Variants in KCNC1 observed in about 807,000 individuals in gnomAD.
KCNC1 encodes potassium voltage-gated channel subfamily C member 1.
KCNC1 carries 8 observed loss-of-function variants against 43.4 expected under a neutral mutation model. The observed-to-expected ratio is 0.18, with a 90% CI of 0.11 to 0.33. KCNC1 has a LOEUF of 0.33. Among genes scored for constraint, KCNC1 ranks in the 10% least tolerant of loss-of-function variants. The probability of loss-of-function intolerance (pLI) is 1.00; values close to 1 mark genes in which losing one functional copy is unlikely to be tolerated. For synonymous variants in KCNC1, 361 were observed against 360.5 expected, an observed-to-expected ratio of 1.00 and a Z score of -0.01; for missense variants, 420 against 836.0, an observed-to-expected ratio of 0.50 and a Z score of 6.14.
intron 1 of KCNC1, among the ~76,000 whole-genome samples, chr11:17,758,369 G>A (rs1026027214): frequency 2.0e-5 from 3 of 152,182 alleles, no homozygotes; most frequent in Non-Finnish European, 4.4e-5. Context: ...AGTCATTCAC[G>A]AGAATTGGAA....
chr11:17,743,775 T>C (rs1848868188), intron 1 of KCNC1, among the ~76,000 whole-genome samples: 1 of 152,216 alleles, frequency 6.6e-6, no homozygotes, highest in African/African-American at 2.4e-5. Flanking sequence ...TCTGGGGTTT[T>C]GGTCATCTAT....
chr11:17,750,862 G>T (rs1246035871), intron 1 of KCNC1, among the ~76,000 whole-genome samples: 1 of 152,176 alleles, frequency 6.6e-6, no homozygotes, highest in Non-Finnish European at 1.5e-5. Flanking sequence ...TGCCCTTCAT[G>T]CTTCCAGAAA....
At chr11:17,751,236 T>C (rs1038608711) in intron 1 of KCNC1, among the ~76,000 whole-genome samples, 1 of 151,994 alleles carries the variant, frequency 6.6e-6, no homozygotes, top group Non-Finnish European at 1.5e-5. Flanking sequence ...GCTGTGGTTC[T>C]ATGGTTAAAA....
intron 2 of KCNC1, chr11:17,775,440 G>A (rs1849274521): frequency 1.0e-6 from 1 of 985,436 alleles, no homozygotes; most frequent in Admixed American, 6.1e-5. Flanking sequence ...AGTGTCTGAG[G>A]GCTTGTCCTG....
chr11:17,745,387 T>G (rs550462425), intron 1 of KCNC1, among the ~76,000 whole-genome samples: 2 of 152,248 alleles, frequency 1.3e-5, no homozygotes, highest in African/African-American at 4.8e-5. Context: ...CAACCAACCC[T>G]GTTGTCTTCA....
At chr11:17,764,771 T>C (rs1849129300) in intron 1 of KCNC1, among the ~76,000 whole-genome samples, 1 of 152,142 alleles carries the variant, frequency 6.6e-6, no homozygotes, top group Non-Finnish European at 1.5e-5. Context: ...AACCATCCCA[T>C]TTCCTCCCTG....
intron 2 of KCNC1, chr11:17,774,868 C>T (rs1849267798): frequency 3.0e-6 from 3 of 985,314 alleles, no homozygotes; most frequent in Admixed American, 1.2e-4. Flanking sequence ...GATATCCTGA[C>T]CCCCGAGGCT....
intron 2 of KCNC1, chr11:17,774,260 G>A: frequency 2.0e-6 from 2 of 985,496 alleles, no homozygotes; most frequent in Non-Finnish European, 2.4e-6. Context: ...AGGGCTCTGG[G>A]CCTCTAGGAG....
In KCNC1 at chr11:17,782,349, C is replaced by G. The variant is rs1262194334; in HGVS notation, c.*615C>G. ...TCTCACGTGGAAACTGAGAACTTTGCTCCAAATAGAATTGTGGAAACTCGC... is the reference window on the plus strand; with the variant it reads ...TCTCACGTGGAAACTGAGAACTTTGGTCCAAATAGAATTGTGGAAACTCGC... On this transcript the variant is annotated 3_prime_UTR_variant, in exon 4 of 4. Transcript: ENST00000265969. 3 of 152,220 alleles carry G rather than the reference C, an allele frequency of 2.0e-5. No individual in the cohort carries two copies. The highest frequency in any genetic ancestry group is 7.2e-5 in the African/African-American group (3 of 41,454). 9.4% of individuals were successfully genotyped at this position (152,220 alleles called of 1,614,324 possible).
rs1849359998 is a variant in KCNC1, at chr11:17,782,657, T to A, written c.*923T>A. ...CAACCTGGCATTGTATGCAATTTAG[T>A]ACTTCAGAGTAAAAACCTGCATGCC... On this transcript the variant is annotated 3_prime_UTR_variant, in exon 4 of 4. Coordinates refer to ENST00000265969, the MANE Select transcript of KCNC1 (RefSeq NM_001112741.2). The A allele has an allele frequency of 1.3e-5, 2 of 152,218 alleles. No homozygotes were observed. The highest frequency in any genetic ancestry group is 1.3e-4 in the Admixed American group (2 of 15,286). 9.4% of individuals were successfully genotyped at this position (152,218 alleles called of 1,614,324 possible).
chr11:17,771,899 A>G lies in KCNC1; in HGVS notation c.805A>G (p.Asn269Asp). The change falls in exon 2 of 4, where the codon AAC becomes GAC. Residue 269 changes from asparagine to aspartate, a missense_variant. Physicochemically the swap from Asn to Asp is conservative, Grantham distance 23. Transcript: ENST00000265969. This position sits in a 1 kb window ranked among gnomAD's most constrained non-coding sequence, Gnocchi z 4.7. ...EFLMRVIFCP[N>D]KVEFIKNSLN... ...CCTCATGCGTGTCATCTTCTGCCCCAACAAGGTAGAGTTCATCAAGAACTC... is the reference window on the plus strand; with the variant it reads ...CCTCATGCGTGTCATCTTCTGCCCCGACAAGGTAGAGTTCATCAAGAACTC... 6.2e-7 allele frequency: 1 copy of G among 1,614,208 alleles called. No individual in the cohort carries two copies. Among genetic ancestry groups the G allele is most frequent in the Admixed American group, 1.7e-5 (1 of 60,024 alleles).
At chr11:17,755,429 G>C (rs1230762207) in intron 1 of KCNC1, among the ~76,000 whole-genome samples, 1 of 152,110 alleles carries the variant, frequency 6.6e-6, no homozygotes, top group Non-Finnish European at 1.5e-5. Context: ...TTGGAACCTG[G>C]GAGACCAGTT....
intron 1 of KCNC1, among the ~76,000 whole-genome samples, chr11:17,749,013 A>C (rs558660878): frequency 2.6e-5 from 4 of 152,264 alleles, no homozygotes; most frequent in African/African-American, 9.6e-5. Context: ...CTTTCCAGTC[A>C]CACAGGCCTC....
At chr11:17,738,752 G>A (rs1011222736) in intron 1 of KCNC1, among the ~76,000 whole-genome samples, 3 of 152,264 alleles carry the variant, frequency 2.0e-5, no homozygotes, top group Non-Finnish European at 4.4e-5. Flanking sequence ...AATCTCTGAA[G>A]TGAATGCTCA....
chr11:17,768,860 G>A (rs1002287493), intron 1 of KCNC1, among the ~76,000 whole-genome samples: 2 of 152,226 alleles, frequency 1.3e-5, no homozygotes, highest in Admixed American at 6.5e-5. Context: ...TCCAGAATGC[G>A]GCCTTCTAGG....
At chr11:17,757,750 T>C (rs922637404) in intron 1 of KCNC1, among the ~76,000 whole-genome samples, 5 of 152,266 alleles carry the variant, frequency 3.3e-5, no homozygotes, top group African/African-American at 1.2e-4. Flanking sequence ...CATTATTAAT[T>C]GTGCAATAGC....
intron 1 of KCNC1, among the ~76,000 whole-genome samples, chr11:17,754,172 C>A (rs1848999076): frequency 2.0e-5 from 3 of 152,206 alleles, no homozygotes; most frequent in Non-Finnish European, 4.4e-5. Flanking sequence ...TGAATGCACT[C>A]ATTGCCAGTG....
chr11:17,768,617 G>GA (rs904059091), intron 1 of KCNC1, among the ~76,000 whole-genome samples: 2 of 151,778 alleles, frequency 1.3e-5, no homozygotes, highest in East Asian at 1.9e-4. Context: ...GTTGGTGGGG[G>GA]GGGGGGCGGT....
intron 1 of KCNC1, among the ~76,000 whole-genome samples, chr11:17,768,615 G>A (rs74474650): frequency 2.5e-5 from 3 of 119,818 alleles, no homozygotes; most frequent in African/African-American, 5.8e-5. Flanking sequence ...ATGTTGGTGG[G>A]GGGGGGGGCG....
Sources: gnomAD v4.1 joint callset for allele counts (sites outside exome capture counted in the v4.1 genomes callset) on GRCh38, gnomAD v4.1.1 for gene constraint, Gnocchi (gnomAD v3.1) non-coding constraint, MANE v1.5 for transcripts, NCBI Gene and HGNC (gene_info 2026-07-23, HGNC 2026-07-21) for gene names.